The following JAM3 variants were observed in gnomAD, a reference collection of about 807,000 sequenced individuals.
The protein encoded by JAM3 is junctional adhesion molecule 3.
Under a neutral mutation model 39.4 loss-of-function variants are expected in JAM3, and 31 were observed. That is an observed-to-expected ratio of 0.79 (90% CI 0.59 to 1.06). The LOEUF is 1.06. Among genes scored for constraint, JAM3 ranks in the 50% least tolerant of loss-of-function variants. JAM3 has a pLI of 0.00. For synonymous variants in JAM3, 182 were observed against 148.7 expected (o/e 1.22, Z -1.63); for missense variants, 455 against 391.4 (o/e 1.16, Z -1.37).
intron 1 of JAM3, among the ~76,000 whole-genome samples, chr11:134,132,167 A>C (rs1942781913): frequency 6.6e-6 from 1 of 152,242 alleles, no homozygotes; most frequent in Non-Finnish European, 1.5e-5. Flanking sequence ...AGAAATTCTT[A>C]AAAGCACCCA....
chr11:134,080,858 A>G (rs1314131509), intron 1 of JAM3, among the ~76,000 whole-genome samples: 3 of 152,210 alleles, frequency 2.0e-5, no homozygotes, highest in Admixed American at 6.5e-5. Context: ...AAAATGTGGG[A>G]AAGTTTGGAA....
chr11:134,081,232 G>T (rs946588347), intron 1 of JAM3, among the ~76,000 whole-genome samples: 1 of 152,208 alleles, frequency 6.6e-6, no homozygotes, highest in Non-Finnish European at 1.5e-5. Context: ...CTTGTTTTCC[G>T]AAGAGAAATT....
At chr11:134,107,805 G>C (rs552578468) in intron 1 of JAM3, among the ~76,000 whole-genome samples, 1 of 152,176 alleles carries the variant, frequency 6.6e-6, no homozygotes, top group African/African-American at 2.4e-5. Flanking sequence ...TGAGGCTACA[G>C]TGAGCTAATA....
At chr11:134,103,808 A>T (rs1383731249) in intron 1 of JAM3, among the ~76,000 whole-genome samples, 2 of 152,238 alleles carry the variant, frequency 1.3e-5, no homozygotes, top group Non-Finnish European at 2.9e-5. Context: ...AAGAATAGCT[A>T]ACTATCCTAA....
intron 1 of JAM3, among the ~76,000 whole-genome samples, chr11:134,078,281 G>T (rs1270230767): frequency 1.3e-5 from 2 of 151,852 alleles, no homozygotes; most frequent in African/African-American, 4.8e-5. Context: ...CACCACACCC[G>T]GCTAATTTTT....
intron 1 of JAM3, among the ~76,000 whole-genome samples, chr11:134,137,670 T>A (rs879324387): frequency 2.9e-4 from 36 of 125,662 alleles, no homozygotes; most frequent in Admixed American, 5.7e-4. Context: ...GTGTCTCGTC[T>A]AAGTCGTGGT....
intron 1 of JAM3, among the ~76,000 whole-genome samples, chr11:134,078,127 T>G (rs141229661): frequency 1.3e-5 from 2 of 152,010 alleles, no homozygotes; most frequent in African/African-American, 4.8e-5. Flanking sequence ...TTTTTTTATT[T>G]GTTTGTTTTT....
intron 1 of JAM3, among the ~76,000 whole-genome samples, chr11:134,112,669 C>T (rs951531332): frequency 1.3e-5 from 2 of 152,228 alleles, no homozygotes; most frequent in East Asian, 1.9e-4. Context: ...GCAATTACCC[C>T]AATTATAGAC....
At chr11:134,147,327 G>T (rs572140185) in intron 6 of JAM3, among the ~76,000 whole-genome samples, 1 of 151,174 alleles carries the variant, frequency 6.6e-6, no homozygotes, top group South Asian at 2.1e-4. Flanking sequence ...GGTGGCAGGC[G>T]CCTGTAGTCC....
At chr11:134,145,223 G>A (rs900373467) in intron 5 of JAM3, 28 of 586,982 alleles carry the variant, frequency 4.8e-5, no homozygotes, top group Admixed American at 1.2e-4. Context: ...TGAGACCGAA[G>A]AGGGATATTA....
At chr11:134,120,655 C>T (rs1015142921) in intron 1 of JAM3, among the ~76,000 whole-genome samples, 2 of 152,168 alleles carry the variant, frequency 1.3e-5, no homozygotes, top group East Asian at 3.9e-4. Flanking sequence ...CGATGAGTTT[C>T]ACTACCACAA....
At chr11:134,100,632 A>G (rs1718504513) in intron 1 of JAM3, among the ~76,000 whole-genome samples, 1 of 152,188 alleles carries the variant, frequency 6.6e-6, no homozygotes, top group African/African-American at 2.4e-5. Context: ...CAGTTCTCTA[A>G]TAGTGGCTGA....
At chr11:134,119,609 C>A (rs144203285) in intron 1 of JAM3, among the ~76,000 whole-genome samples, 6 of 152,180 alleles carry the variant, frequency 3.9e-5, no homozygotes, top group African/African-American at 1.4e-4. Context: ...GGAGAGTCGA[C>A]GATGCCAGTG....
At chr11:134,096,221 C>T (rs1420356533) in intron 1 of JAM3, among the ~76,000 whole-genome samples, 1 of 152,182 alleles carries the variant, frequency 6.6e-6, no homozygotes, top group South Asian at 2.1e-4. Context: ...TCAAGTGATC[C>T]TCCTGCCTCG....
chr11:134,078,527 C>A (rs912475695), intron 1 of JAM3, among the ~76,000 whole-genome samples: 6 of 152,172 alleles, frequency 3.9e-5, no homozygotes, highest in African/African-American at 1.4e-4. Context: ...TTAAAGATTT[C>A]CCCGACTTCC....
chr11:134,142,928 TA>T (rs1243607926), intron 3 of JAM3, among the ~76,000 whole-genome samples: 1 of 152,216 alleles, frequency 6.6e-6, no homozygotes, highest in African/African-American at 2.4e-5. Flanking sequence ...CCTGTGTCCG[TA>T]CTTCATTTCT....
At chr11:134,105,862 T>G (rs1476116081) in intron 1 of JAM3, among the ~76,000 whole-genome samples, 4 of 152,172 alleles carry the variant, frequency 2.6e-5, no homozygotes, top group Admixed American at 2.6e-4. Flanking sequence ...CACAAACAAA[T>G]GGAAGAACAT....
At chr11:134,082,463 TGTG>T (rs545902141) in intron 1 of JAM3, among the ~76,000 whole-genome samples, 193 of 152,226 alleles carry the variant, frequency 1.3e-3, no homozygotes, top group Middle Eastern at 6.8e-3. Context: ...TTCCTTGTAA[TGTG>T]GGGGGGAACC....
intron 6 of JAM3, chr11:134,148,057 G>A (rs973377496): frequency 2.9e-5 from 6 of 209,948 alleles, no homozygotes; most frequent in East Asian, 1.2e-4. Flanking sequence ...CAGAGACAAA[G>A]CTCTAGTTCT....
Sources: allele counts gnomAD v4.1 joint callset (sites outside exome capture counted in the v4.1 genomes callset), GRCh38; gene constraint gnomAD v4.1.1; transcripts MANE v1.5; gene names NCBI Gene and HGNC (gene_info 2026-07-23, HGNC 2026-07-21).